Variants in DPH6 observed in about 807,000 individuals in gnomAD.
The protein encoded by DPH6 is diphthamine biosynthesis 6.
A neutral mutation model predicts 38.2 loss-of-function variants in DPH6; 33 were observed. That is an observed-to-expected ratio of 0.86 (90% CI 0.65 to 1.15). The LOEUF (loss-of-function observed/expected upper bound fraction) is 1.15, where lower values mean the gene tolerates loss of function less well. Ranked by LOEUF, DPH6 falls within the 50% of genes most tolerant of loss-of-function variation. The pLI is 0.00. For missense variants in DPH6, 325 were observed against 320.0 expected (o/e 1.02, Z -0.12); for synonymous variants, 108 against 103.0 (o/e 1.05, Z -0.30).
intron 3 of DPH6, among the ~76,000 whole-genome samples, chr15:35,346,825 C>A (rs1275378745): frequency 6.6e-6 from 1 of 151,870 alleles, no homozygotes; most frequent in Non-Finnish European, 1.5e-5. Context: ...GCTTATGGTT[C>A]AAAAATTATT....
chr15:35,509,124 T>C (rs1225824415), intron 3 of DPH6, among the ~76,000 whole-genome samples: 1 of 152,180 alleles, frequency 6.6e-6, no homozygotes, highest in African/African-American at 2.4e-5. Context: ...ACAAGTCAGA[T>C]AAAAAAGCTG....
At chr15:35,271,887 T>G (rs1458854889) in intron 3 of DPH6, among the ~76,000 whole-genome samples, 1 of 152,232 alleles carries the variant, frequency 6.6e-6, no homozygotes, top group Non-Finnish European at 1.5e-5. Flanking sequence ...ATGAACTCTA[T>G]AACCACACAG....
At chr15:35,203,670 TATG>T in the DPH6 span, among the ~76,000 whole-genome samples, 2 of 151,872 alleles carry the variant, frequency 1.3e-5, no homozygotes, top group East Asian at 1.9e-4. Context: ...CTATTAAAAT[TATG>T]ATGGAGTATT....
intron 3 of DPH6, among the ~76,000 whole-genome samples, chr15:35,457,828 T>C (rs529351658): frequency 1.3e-5 from 2 of 152,358 alleles, no homozygotes; most frequent in South Asian, 2.1e-4. Context: ...TCTTTCATTA[T>C]TATGATCTTT....
At chr15:35,281,075 G>A (rs984177233) in intron 3 of DPH6, among the ~76,000 whole-genome samples, 50 of 152,072 alleles carry the variant, frequency 3.3e-4, no homozygotes, top group Non-Finnish European at 5.9e-5. Flanking sequence ...TTTAGCATTA[G>A]GTATATCTCC....
At chr15:35,182,463 G>A in the DPH6 span, among the ~76,000 whole-genome samples, 2 of 151,730 alleles carry the variant, frequency 1.3e-5, no homozygotes, top group African/African-American at 4.8e-5. Flanking sequence ...GGATTATTCT[G>A]CAAATCTAAA....
chr15:35,363,128 T>C (rs1169331553), intron 3 of DPH6, among the ~76,000 whole-genome samples: 1 of 152,184 alleles, frequency 6.6e-6, no homozygotes, highest in Non-Finnish European at 1.5e-5. Flanking sequence ...TGTTGGGCAT[T>C]GTGTTTCTAT....
the DPH6 span, among the ~76,000 whole-genome samples, chr15:35,198,010 T>C: frequency 6.6e-6 from 1 of 152,152 alleles, no homozygotes; most frequent in Non-Finnish European, 1.5e-5. Flanking sequence ...TAAGACCTCA[T>C]GGCACATATT....
intron 3 of DPH6, among the ~76,000 whole-genome samples, chr15:35,310,792 G>A (rs1303029319): frequency 6.6e-6 from 1 of 151,924 alleles, no homozygotes; most frequent in Non-Finnish European, 1.5e-5. Context: ...GCTCACGCCT[G>A]TAATCCCAGC....
chr15:35,421,605 C>T (rs1392168085), intron 5 of DPH6, among the ~76,000 whole-genome samples: 1 of 152,104 alleles, frequency 6.6e-6, no homozygotes, highest in Non-Finnish European at 1.5e-5. Flanking sequence ...ATTCCTGAAA[C>T]ATTTTCCTAA....
intron 3 of DPH6, among the ~76,000 whole-genome samples, chr15:35,260,342 G>A (rs1292723036): frequency 2.0e-5 from 3 of 151,958 alleles, no homozygotes; most frequent in Non-Finnish European, 2.9e-5. Flanking sequence ...TCCTGACCTC[G>A]TGATCCACCC....
At chr15:35,180,715 T>G in the DPH6 span, among the ~76,000 whole-genome samples, 5 of 152,166 alleles carry the variant, frequency 3.3e-5, no homozygotes, top group Admixed American at 2.0e-4. Context: ...CTTGAACTCC[T>G]GGACTCAAGA....
At chr15:35,287,173 C>A (rs369686137) in intron 3 of DPH6, among the ~76,000 whole-genome samples, 3 of 152,152 alleles carry the variant, frequency 2.0e-5, no homozygotes, top group African/African-American at 7.2e-5. Flanking sequence ...TTTTATGAGT[C>A]AAGAGATGAT....
chr15:35,190,483 G>T, the DPH6 span, among the ~76,000 whole-genome samples: 2 of 152,300 alleles, frequency 1.3e-5, no homozygotes, highest in Admixed American at 1.3e-4. Flanking sequence ...TGGGATTGCC[G>T]AACTGGCTGA....
In DPH6 at chr15:35,357,597, ATTTG is replaced by A. The variant is rs2052575833; in HGVS notation, n.207+15920_207+15923del. Among the ~76,000 whole-genome samples the A allele has an allele frequency of 3.9e-5, 6 of 152,290 alleles. No homozygotes were observed. In the South Asian group the frequency reaches 1.2e-3, roughly 32 times the overall value. ...CTTGGTAATGGTGAATTCTGTCAGC[ATTTG>A]TTTGTCTGAAAATGACTGTATCTTT... On this transcript the variant is annotated intron_variant and non_coding_transcript_variant, in intron 3 of 3. Transcript: ENST00000558973.
At chr15:35,349,936 G>A (rs1334618972) in intron 3 of DPH6, among the ~76,000 whole-genome samples, 1 of 152,124 alleles carries the variant, frequency 6.6e-6, no homozygotes, top group East Asian at 1.9e-4. Context: ...TAAAGTATCT[G>A]CCTGATTTTG....
intron 3 of DPH6, among the ~76,000 whole-genome samples, chr15:35,363,405 A>G (rs369921847): frequency 1.3e-4 from 20 of 152,060 alleles, no homozygotes; most frequent in African/African-American, 3.9e-4. Context: ...AATGCTTTTC[A>G]TTTATTTTGT....
chr15:35,408,099 G>A (rs1199432366), intron 6 of DPH6, among the ~76,000 whole-genome samples: 1 of 151,942 alleles, frequency 6.6e-6, no homozygotes, highest in Non-Finnish European at 1.5e-5. Flanking sequence ...GAGACAGTGA[G>A]AAGTGCTTGG....
At chr15:35,280,520 A>G (rs1191475801) in intron 3 of DPH6, among the ~76,000 whole-genome samples, 1 of 152,206 alleles carries the variant, frequency 6.6e-6, no homozygotes, top group Non-Finnish European at 1.5e-5. Flanking sequence ...AATAGCATAG[A>G]ATTATTCATA....
Sources: allele counts gnomAD v4.1 joint callset (sites outside exome capture counted in the v4.1 genomes callset), GRCh38; gene constraint gnomAD v4.1.1; transcripts MANE v1.5; gene names NCBI Gene and HGNC (gene_info 2026-07-23, HGNC 2026-07-21).